Variants in RBFOX1 observed in about 807,000 individuals in gnomAD.
The protein encoded by RBFOX1 is RNA binding protein fox-1 homolog 1.
A neutral mutation model predicts 57.7 loss-of-function variants in RBFOX1; 8 were observed. The observed-to-expected ratio is 0.14, with a 90% CI of 0.08 to 0.25. The LOEUF (loss-of-function observed/expected upper bound fraction) is 0.25, where lower values mean the gene tolerates loss of function less well. Ranked by LOEUF, RBFOX1 falls within the 10% of genes least tolerant of loss-of-function variation. The pLI is 1.00. For missense variants in RBFOX1, 611 were observed against 548.5 expected (o/e 1.11, Z -1.14); for synonymous variants, 326 against 222.4 (o/e 1.47, Z -4.15).
intron 1 of RBFOX1, among the ~76,000 whole-genome samples, chr16:5,436,043 T>C (rs1428472479): frequency 6.6e-6 from 1 of 152,168 alleles, no homozygotes; most frequent in Non-Finnish European, 1.5e-5. Flanking sequence ...TAAGGTGAGA[T>C]ACAAACTAAA....
chr16:6,225,057 A>G (rs12446113), intron 1 of RBFOX1, among the ~76,000 whole-genome samples: 105,439 of 146,666 alleles, frequency 0.72, 38,971 homozygotes, highest in East Asian at 0.99. Flanking sequence ...CACTCACTCC[A>G]GGAATTTGGG....
At chr16:7,497,693 A>G (rs1291765284) in intron 4 of RBFOX1, among the ~76,000 whole-genome samples, 1 of 152,254 alleles carries the variant, frequency 6.6e-6, no homozygotes, top group Non-Finnish European at 1.5e-5. Flanking sequence ...TGAATTAATG[A>G]ATGCAAGATA....
At chr16:6,823,661 G>A (rs929885055) in intron 3 of RBFOX1, among the ~76,000 whole-genome samples, 4 of 152,228 alleles carry the variant, frequency 2.6e-5, no homozygotes, top group African/African-American at 9.6e-5. Context: ...TGATTTCTTA[G>A]GGTCAGTGGA....
At chr16:5,593,103 A>G (rs1413719936) in intron 2 of RBFOX1, among the ~76,000 whole-genome samples, 1 of 152,176 alleles carries the variant, frequency 6.6e-6, no homozygotes, top group East Asian at 1.9e-4. Context: ...AATATCCATC[A>G]ATGATAGACT....
At chr16:7,517,502 G>C (rs1404744074) in intron 4 of RBFOX1, among the ~76,000 whole-genome samples, 1 of 151,612 alleles carries the variant, frequency 6.6e-6, no homozygotes, top group Non-Finnish European at 1.5e-5. Flanking sequence ...ATTTGTATCA[G>C]CTGCTTCATT....
At chr16:6,587,468 G>T (rs2097646071) in intron 2 of RBFOX1, among the ~76,000 whole-genome samples, 1 of 152,086 alleles carries the variant, frequency 6.6e-6, no homozygotes, top group South Asian at 2.1e-4. Context: ...TTTTAGCAGA[G>T]ACAGGGTTTC....
chr16:7,327,321 C>G (rs1292340933), intron 4 of RBFOX1, among the ~76,000 whole-genome samples: 1 of 152,126 alleles, frequency 6.6e-6, no homozygotes, highest in Non-Finnish European at 1.5e-5. Context: ...AAAGAGTGAT[C>G]TGTAGAAAAA....
intron 4 of RBFOX1, among the ~76,000 whole-genome samples, chr16:7,183,536 A>G (rs1322755823): frequency 1.3e-5 from 2 of 152,198 alleles, no homozygotes; most frequent in African/African-American, 2.4e-5. Context: ...TACTTTGTCA[A>G]TAGTTCTGAA....
intron 4 of RBFOX1, among the ~76,000 whole-genome samples, chr16:7,398,668 C>G (rs893696174): frequency 2.6e-5 from 4 of 152,174 alleles, no homozygotes; most frequent in African/African-American, 9.7e-5. Context: ...GAGCTTGAAA[C>G]TTATTGATGT....
At chr16:6,193,297 C>A in intron 1 of RBFOX1, among the ~76,000 whole-genome samples, 1 of 146,382 alleles carries the variant, frequency 6.8e-6, no homozygotes, top group East Asian at 2.0e-4. Flanking sequence ...ATTATCTCTT[C>A]GTGGGAGTTA....
At chr16:5,722,945 T>G (rs915062392) in intron 3 of RBFOX1, among the ~76,000 whole-genome samples, 1 of 152,198 alleles carries the variant, frequency 6.6e-6, no homozygotes, top group African/African-American at 2.4e-5. Flanking sequence ...GTTTGGTGTT[T>G]CCTTCCTCAT....
intron 3 of RBFOX1, among the ~76,000 whole-genome samples, chr16:5,824,718 C>T (rs1034178286): frequency 1.3e-4 from 20 of 152,244 alleles, no homozygotes; most frequent in African/African-American, 4.3e-4. Flanking sequence ...TCTCTTCCCA[C>T]GCTGCAGGCT....
chr16:5,943,918 C>G lies in RBFOX1; in HGVS notation c.351+76583C>G, dbSNP rs2059333538. ...TCATCTACTCATCCATCCATCCACT[C>G]CTCCTCTGTCTTTCCTTCTATTTTC... On this transcript the variant is annotated intron_variant, in intron 4 of 19. Transcript: ENST00000641259. Among the ~76,000 whole-genome samples, 4 of 151,812 alleles carry G rather than the reference C, an allele frequency of 2.6e-5. No homozygotes were observed. The South Asian group carries it at 8.3e-4, about 32-fold the overall frequency.
chr16:6,359,078 TTTTGTTTG>T (rs149046972), intron 2 of RBFOX1, among the ~76,000 whole-genome samples: 20,569 of 151,040 alleles, frequency 0.14, 1,449 homozygotes, highest in South Asian at 0.18. Context: ...TTGAAAGGGT[TTTTGTTTG>T]TTTGTTTGTT....
intron 1 of RBFOX1, among the ~76,000 whole-genome samples, chr16:6,160,693 C>T (rs2096871663): frequency 6.6e-6 from 1 of 152,208 alleles, no homozygotes; most frequent in South Asian, 2.1e-4. Context: ...TTGCAAGGCT[C>T]TGCATAACCT....
chr16:7,029,060 A>G (rs1432845085), intron 3 of RBFOX1, among the ~76,000 whole-genome samples: 1 of 21,624 alleles, frequency 4.6e-5, no homozygotes, highest in African/African-American at 2.5e-4. Flanking sequence ...ATATATATAT[A>G]TATATATATA....
intron 1 of RBFOX1, among the ~76,000 whole-genome samples, chr16:6,265,447 A>G (rs2152652715): frequency 6.6e-6 from 1 of 152,094 alleles, no homozygotes; most frequent in African/African-American, 2.4e-5. Context: ...TTTGTAGTAG[A>G]GACGGGGTTT....
At chr16:6,243,428 A>C (rs1156958421) in intron 1 of RBFOX1, among the ~76,000 whole-genome samples, 3 of 152,190 alleles carry the variant, frequency 2.0e-5, no homozygotes, top group Non-Finnish European at 4.4e-5. Context: ...ACTTACAGTC[A>C]TGGTGCTGCT....
chr16:6,396,052 C>G (rs962489940), intron 2 of RBFOX1, among the ~76,000 whole-genome samples: 5 of 103,556 alleles, frequency 4.8e-5, no homozygotes, highest in Non-Finnish European at 8.6e-5. Context: ...GGTGACAGAG[C>G]AAGACTCCTT....
Sources: gnomAD v4.1 joint callset for allele counts (sites outside exome capture counted in the v4.1 genomes callset) on GRCh38, gnomAD v4.1.1 for gene constraint, MANE v1.5 for transcripts, NCBI Gene and HGNC (gene_info 2026-07-23, HGNC 2026-07-21) for gene names.